The following FAM135B variants were observed in gnomAD, a reference collection of about 807,000 sequenced individuals.
FAM135B encodes the protein protein FAM135B.
FAM135B carries 43 observed loss-of-function variants against 127.7 expected under a neutral mutation model. That is an observed-to-expected ratio of 0.34 (90% CI 0.26 to 0.43). The LOEUF is 0.43. Among genes scored for constraint, FAM135B ranks in the 20% least tolerant of loss-of-function variants. The pLI, the probability that FAM135B is intolerant of heterozygous loss-of-function variation, is 1.00. For missense variants in FAM135B, 1,558 were observed against 1,725.6 expected (o/e 0.90, Z 1.72); for synonymous variants, 670 against 665.1 (o/e 1.01, Z -0.11).
chr8:138,370,897 C>T (rs532805747), intron 1 of FAM135B, among the ~76,000 whole-genome samples: 2 of 152,310 alleles, frequency 1.3e-5, no homozygotes, highest in East Asian at 3.9e-4. Context: ...GCTATCAGAG[C>T]AGTGGTTTTC....
At chr8:138,312,317 C>A (rs1826749283) in intron 2 of FAM135B, among the ~76,000 whole-genome samples, 1 of 152,094 alleles carries the variant, frequency 6.6e-6, no homozygotes, top group South Asian at 2.1e-4. Context: ...ACATACTTTA[C>A]CCTATTTTTC....
intron 7 of FAM135B, among the ~76,000 whole-genome samples, chr8:138,238,924 T>A (rs1820511203): frequency 6.6e-6 from 1 of 152,206 alleles, no homozygotes; most frequent in Non-Finnish European, 1.5e-5. Context: ...CTAAACTCCA[T>A]GAGCAAGTTC....
rs1387242829 is a variant in FAM135B at position 138,152,819 on chromosome 8, G to T, written c.1656C>A (p.Thr552=). The T allele has an allele frequency of 2.5e-6, 4 of 1,614,034 alleles. No homozygotes were observed. Among genetic ancestry groups the T allele is most frequent in the Non-Finnish European group, 3.4e-6 (4 of 1,180,042 alleles). Residue 552 remains threonine, a synonymous_variant, in exon 13 of 20, where the codon ACC becomes ACA. Coordinates refer to ENST00000395297, the MANE Select transcript of FAM135B (RefSeq NM_015912.4). The stretch of plus-strand genomic sequence containing the variant: ...TATTGCTAGATTTTACGTCAATGTA[G>T]GTCAGCACTGGGGCCTGTCCATCCT... ...GPEDGQAPVL[T]YIDVKSSNKN... is the part of the protein sequence containing the mutation.
At position 138,132,142 on chromosome 8, in the gene FAM135B, A is replaced by G. The variant is rs1452988894; in HGVS notation, c.*451T>C. ...ATCTATTGAGGATTCTATTTACACA[A>G]ATATGTTCCACTGCTGCACAGAGAT... On this transcript the variant is annotated 3_prime_UTR_variant, in exon 20 of 20. Coordinates refer to ENST00000395297, the MANE Select transcript of FAM135B (RefSeq NM_015912.4). This position sits in a 1 kb window ranked among gnomAD's most constrained non-coding sequence, Gnocchi z 4.5. The G allele has an allele frequency of 6.1e-6, 1 of 164,742 alleles. No homozygotes were observed. The highest frequency in any genetic ancestry group is 1.3e-5 in the Non-Finnish European group (1 of 75,488). The allele number at this position is 164,742 out of a possible 1,614,324, so 10.2% of individuals were successfully genotyped here.
At chr8:138,379,713 G>A (rs1382818126) in intron 1 of FAM135B, among the ~76,000 whole-genome samples, 1 of 152,172 alleles carries the variant, frequency 6.6e-6, no homozygotes, top group African/African-American at 2.4e-5. Context: ...GACAGAAGTT[G>A]CATCTCTCCT....
At chr8:138,210,304 A>G (rs903265803) in intron 7 of FAM135B, among the ~76,000 whole-genome samples, 1 of 152,178 alleles carries the variant, frequency 6.6e-6, no homozygotes, top group Non-Finnish European at 1.5e-5. Context: ...GTCAGCAGCT[A>G]TGAGTCTCTT....
chr8:138,242,942 C>T lies in FAM135B; in HGVS notation c.669G>A (p.Glu223=), dbSNP rs2130381404. ...GAGYCKPTSS[E]GSFYITSENC... ...AGCAACTGCCCCACACAGGCCTTACCTCTGAGGAAGTCGGCTTGCAGTACC... is the reference window on the plus strand; with the variant it reads ...AGCAACTGCCCCACACAGGCCTTACTTCTGAGGAAGTCGGCTTGCAGTACC... The change falls in exon 7 of 20, where the codon GAG becomes GAA. Residue 223 remains glutamate, a splice_region_variant and synonymous_variant. Transcript: ENST00000395297. This position sits in a 1 kb window ranked among gnomAD's most constrained non-coding sequence, Gnocchi z 9.6. 1.2e-6 allele frequency: 2 copies of T among 1,613,280 alleles called. No homozygotes were observed. Among genetic ancestry groups the T allele is most frequent in the Non-Finnish European group, 1.7e-6 (2 of 1,179,604 alleles).
intron 3 of FAM135B, among the ~76,000 whole-genome samples, chr8:138,272,207 T>TA (rs911933324): frequency 2.0e-5 from 3 of 152,048 alleles, no homozygotes; most frequent in African/African-American, 4.8e-5. Context: ...TTCTGTTTAA[T>TA]AAAAAAAATC....
chr8:138,213,036 T>C (rs1401409326), intron 7 of FAM135B, among the ~76,000 whole-genome samples: 1 of 152,220 alleles, frequency 6.6e-6, no homozygotes, highest in Non-Finnish European at 1.5e-5. Context: ...TGAGACATTG[T>C]CTGTTAAATG....
At chr8:138,411,435 G>T (rs375885329) in intron 1 of FAM135B, among the ~76,000 whole-genome samples, 6 of 152,098 alleles carry the variant, frequency 3.9e-5, no homozygotes, top group East Asian at 1.9e-4. Context: ...CTAGCCATAT[G>T]TAGAAAGCTG....
intron 14 of FAM135B, among the ~76,000 whole-genome samples, chr8:138,147,989 G>A (rs1817796604): frequency 6.6e-6 from 1 of 152,052 alleles, no homozygotes; most frequent in Admixed American, 6.6e-5. Flanking sequence ...ATAAGTGGGA[G>A]GTAAATAAAC....
rs116748497 is a variant in FAM135B, at chr8:138,253,891, T to C, written c.368+2798A>G. Among the ~76,000 whole-genome samples the C allele has an allele frequency of 6.8e-3, 1,042 of 152,314 alleles. 6 individuals carry two copies. Among genetic ancestry groups the C allele is most frequent in the African/African-American group, 0.023 (973 of 41,574 alleles). ...CACAGATGCCTTGTCATCCTTAAAC[T>C]CAATTTATGAAAATTAAAAAATGTG... On this transcript the variant is annotated intron_variant, in intron 5 of 19. Transcript: ENST00000395297.
At chr8:138,340,556 C>T (rs1828975426) in intron 2 of FAM135B, among the ~76,000 whole-genome samples, 1 of 152,178 alleles carries the variant, frequency 6.6e-6, no homozygotes, top group Non-Finnish European at 1.5e-5. Context: ...GGCCAGGCTC[C>T]AGCACCCATG....
chr8:138,159,188 C>T (rs1250359948), intron 12 of FAM135B, among the ~76,000 whole-genome samples: 30 of 142,076 alleles, frequency 2.1e-4, no homozygotes, highest in East Asian at 1.1e-3. Flanking sequence ...AGGAGAATGG[C>T]GTGAACCCGG....
chr8:138,406,967 G>A (rs1337016499), intron 1 of FAM135B, among the ~76,000 whole-genome samples: 3 of 150,644 alleles, frequency 2.0e-5, no homozygotes, highest in Non-Finnish European at 4.4e-5. Context: ...AAGTCAAATT[G>A]TCCCTGTTTG....
At chr8:138,475,692 G>T (rs760403879) in intron 1 of FAM135B, among the ~76,000 whole-genome samples, 6 of 152,106 alleles carry the variant, frequency 3.9e-5, no homozygotes, top group Non-Finnish European at 7.4e-5. Flanking sequence ...TGATGGTATA[G>T]GTATTTTCTT....
Position 138,385,639 on chromosome 8 carries a change from T to G in FAM135B, c.-19-17637A>C, listed in dbSNP as rs545627180. On this transcript the variant is annotated intron_variant, in intron 1 of 19. Coordinates refer to ENST00000395297, the MANE Select transcript of FAM135B (RefSeq NM_015912.4). ...CAGCCTGGCCAACATGGTGAAACAC[T>G]GTGTCTACTAAAAAACACAAAAATT... 2.0e-5 allele frequency among the ~76,000 whole-genome samples: 3 copies of G among 151,866 alleles called. 1 individual carries two copies. Among genetic ancestry groups the G allele is most frequent in the Non-Finnish European group, 4.4e-5 (3 of 67,980 alleles).
At chr8:138,375,436 C>T (rs976178229) in intron 1 of FAM135B, among the ~76,000 whole-genome samples, 11 of 151,862 alleles carry the variant, frequency 7.2e-5, no homozygotes, top group African/African-American at 2.7e-4. Context: ...TGGGATAGAC[C>T]AGCCAGGATC....
chr8:138,429,087 A>G (rs1835060205), intron 1 of FAM135B, among the ~76,000 whole-genome samples: 1 of 152,186 alleles, frequency 6.6e-6, no homozygotes, highest in Non-Finnish European at 1.5e-5. Flanking sequence ...GGTAAATGCT[A>G]TGGACAAAAA....
Sources: gnomAD v4.1 joint callset for allele counts (sites outside exome capture counted in the v4.1 genomes callset) on GRCh38, gnomAD v4.1.1 for gene constraint, Gnocchi (gnomAD v3.1) non-coding constraint, MANE v1.5 for transcripts, NCBI Gene and HGNC (gene_info 2026-07-23, HGNC 2026-07-21) for gene names.